Variants in PLIN1 observed in about 807,000 individuals in gnomAD.
PLIN1 encodes perilipin 1, also known as perilipin-1.
In PLIN1, 37 loss-of-function variants were observed where a neutral mutation model predicts 45.8. The ratio of observed to expected loss-of-function variants is 0.81; its 90% CI spans 0.62 to 1.06. PLIN1 has a LOEUF of 1.06. Ranked by LOEUF, PLIN1 falls within the 50% of genes least tolerant of loss-of-function variation. The probability of loss-of-function intolerance (pLI) is 0.00; values close to 1 mark genes in which losing one functional copy is unlikely to be tolerated. For synonymous variants in PLIN1, 340 were observed against 309.2 expected (o/e 1.10, Z -1.05); for missense variants, 776 against 716.5 (o/e 1.08, Z -0.95).
At chr15:89,666,118 C>A (rs997035548) in intron 8 of PLIN1, among the ~76,000 whole-genome samples, 176 bp from the exon 9 acceptor site, 1 of 152,186 alleles carries the variant, frequency 6.6e-6, no homozygotes. Context: ...GAGGTCCTGC[C>A]CACTCTGAGC....
rs374955417 is a variant in PLIN1, at chr15:89,673,267, C to T, written c.193G>A (p.Ala65Thr). 5.1e-6 allele frequency: 8 copies of T among 1,579,948 alleles called. No individual in the cohort carries two copies. Among genetic ancestry groups the T allele is most frequent in the African/African-American group, 4.0e-5 (3 of 74,102 alleles). The change falls in exon 3 of 9, where the codon GCC becomes ACC. Residue 65 changes from alanine to threonine, a missense_variant. Ala to Thr is a moderately conservative substitution (Grantham distance 58, BLOSUM62 0). Coordinates refer to ENST00000300055, the MANE Select transcript of PLIN1 (RefSeq NM_002666.5). ...CNAYEKGVQS[A>T]SSLAAWSMEP... is the part of the protein sequence containing the mutation. ...ATGCTCCAGGCAGCCAAGCTACTGG[C>T]GCTCTGCACGCCCTTCTCATAGGCA...
intron 7 of PLIN1, 121 bp downstream of exon 7, chr15:89,667,481 G>T: frequency 6.9e-7 from 1 of 1,454,934 alleles, no homozygotes; most frequent in Non-Finnish European, 9.6e-7. Flanking sequence ...GGGGTGAAGG[G>T]TGTTGCACGC....
At chr15:89,679,116 G>A (rs1180397221) in intron 1 of PLIN1, 135 bp downstream of exon 1, 1 of 152,114 alleles carries the variant, frequency 6.6e-6, no homozygotes, top group African/African-American at 2.4e-5. Flanking sequence ...CTGCAGTGCT[G>A]GGATTAAAGG....
chr15:89,678,131 G>A (rs1394321010), intron 1 of PLIN1, among the ~76,000 whole-genome samples: 1 of 151,800 alleles, frequency 6.6e-6, no homozygotes, highest in Non-Finnish European at 1.5e-5. Context: ...GGCCTCAAGT[G>A]ATCTGCCCAC....
Position 89,669,710 on chromosome 15 carries a change from T to A in PLIN1, c.599-38A>T, listed in dbSNP as rs369932160. 19 of 1,596,090 alleles carry A rather than the reference T, an allele frequency of 1.2e-5. No homozygotes were observed. In the African/African-American group the frequency reaches 2.2e-4, roughly 18 times the overall value. ...TTGGGGGGAAAGAAGAGAAAACAGGTCAGAGAGGGGCCGGAGAGATCTGGG... is the reference window on the plus strand; with the variant it reads ...TTGGGGGGAAAGAAGAGAAAACAGGACAGAGAGGGGCCGGAGAGATCTGGG... On this transcript the variant is annotated intron_variant, in intron 5 of 8. Transcript: ENST00000300055.
chr15:89,670,168 C>T lies in PLIN1; in HGVS notation c.410G>A (p.Ser137Asn). ...ARNSISVPIASTSDKVLGAAL... is the reference protein window; with the variant it reads ...ARNSISVPIANTSDKVLGAAL... ...GGCCCCCAGGACCTTGTCTGAAGTG[C>T]TCGCGATGGGAACGCTGATGCTGTT... The change falls in exon 5 of 9, where the codon AGC (serine) becomes AAC (asparagine). Residue 137 changes from serine (S) to asparagine (N), a missense_variant. By Grantham distance (46) the Ser-to-Asn change is conservative. Transcript: ENST00000300055. 1 of 1,614,106 alleles carries T rather than the reference C, an allele frequency of 6.2e-7. No individual in the cohort carries two copies.
chr15:89,669,858 A>G (rs776581954), intron 5 of PLIN1, 122 bp downstream of exon 5: 2 of 1,102,626 alleles, frequency 1.8e-6, no homozygotes, highest in Non-Finnish European at 2.6e-6. Flanking sequence ...TTATGAATCC[A>G]TCTGAAAATC....
At chr15:89,673,943 C>T (rs1964479374) in intron 2 of PLIN1, among the ~76,000 whole-genome samples, 1 of 152,216 alleles carries the variant, frequency 6.6e-6, no homozygotes, top group African/African-American at 2.4e-5. Context: ...AGCACTCCCC[C>T]TGTGAAGCTT....
chr15:89,673,485 T>C, intron 2 of PLIN1, 71 bp from the exon 3 acceptor site: 4 of 1,276,912 alleles, frequency 3.1e-6, no homozygotes, highest in Non-Finnish European at 2.2e-6. Context: ...GACCCCGGGG[T>C]CATGGGGACC....
intron 2 of PLIN1, among the ~76,000 whole-genome samples, chr15:89,675,949 G>A (rs959989665): frequency 6.6e-5 from 10 of 152,034 alleles, no homozygotes; most frequent in Admixed American, 2.6e-4. Context: ...GATTGGCCAC[G>A]AATTCATGGT....
In PLIN1 at chr15:89,665,561, G is replaced by A. The variant is rs1964319026; in HGVS notation, c.*22C>T. 6.6e-7 allele frequency: 1 copy of A among 1,523,916 alleles called. No individual in the cohort carries two copies. The highest frequency in any genetic ancestry group is 2.0e-5 in the Admixed American group (1 of 50,298). 94.4% of individuals were successfully genotyped at this position (1,523,916 alleles called of 1,614,324 possible). Reference sequence around the variant, plus strand: ...TGTTAGAGAAACCCGCCGGCCCGGGGCGCGGCGGCTGGTGCGGCGACTCAG... The same window carrying A: ...TGTTAGAGAAACCCGCCGGCCCGGGACGCGGCGGCTGGTGCGGCGACTCAG... On this transcript the variant is annotated 3_prime_UTR_variant, in exon 9 of 9. Transcript: ENST00000300055.
Position 89,670,166 on chromosome 15 carries a change from T to G in PLIN1, c.412A>C (p.Thr138Pro), listed in dbSNP as rs766208287. 9 of 1,614,094 alleles carry G rather than the reference T, an allele frequency of 5.6e-6. No individual in the cohort carries two copies. The Admixed American group carries it at 1.5e-4, about 27-fold the overall frequency. ...RNSISVPIAS[T>P]SDKVLGAALA... ...GCGGCCCCCAGGACCTTGTCTGAAG[T>G]GCTCGCGATGGGAACGCTGATGCTG... The change falls in exon 5 of 9, where the codon ACT (threonine) becomes CCT (proline). Residue 138 changes from threonine (T) to proline (P), a missense_variant. Thr to Pro is a conservative substitution (Grantham distance 38). Coordinates refer to ENST00000300055, the MANE Select transcript of PLIN1 (RefSeq NM_002666.5).
intron 2 of PLIN1, chr15:89,677,054 T>C (rs1964529991): frequency 3.5e-6 from 1 of 286,608 alleles, no homozygotes. Flanking sequence ...CAGGTGACAT[T>C]TGCCGTTATG....
rs766555591 is a variant in PLIN1, at chr15:89,677,503, G to A, written c.-14C>T. The A allele has an allele frequency of 6.2e-7, 1 of 1,613,768 alleles. No homozygotes were observed. Among genetic ancestry groups the A allele is most frequent in the Non-Finnish European group, 8.5e-7 (1 of 1,179,694 alleles). On this transcript the variant is annotated splice_region_variant and 5_prime_UTR_variant, in exon 2 of 9. Transcript: ENST00000300055. ...GTTGACTGCCATCCTCGCTCCTCAA[G>A]CTGCAAAACAGAGTCCCAGGTCCCA...
In PLIN1 at chr15:89,665,619, GC is replaced by G; in HGVS notation, c.1532del (p.Gly511AlafsTer30). The G allele has an allele frequency of 1.3e-6, 2 of 1,520,588 alleles. No homozygotes were observed. Among genetic ancestry groups the G allele is most frequent in the Admixed American group, 2.0e-5 (1 of 49,772 alleles). The allele number at this position is 1,520,588 out of a possible 1,614,324, so 94.2% of individuals were successfully genotyped here. A position where few individuals can be genotyped will look rare whatever the true frequency, so the allele number is the denominator to read the frequency against. ...FRPSVMEPIL[G>X]RTHYSQLRKK... ...TGCGCAGCTGGCTGTAATGCGTGCG[GC>G]CCAGGATGGGCTCCATGACGCTGGG... On this transcript the variant is annotated frameshift_variant, in exon 9 of 9. Transcript: ENST00000300055. LOFTEE classifies it high-confidence loss of function.
intron 7 of PLIN1, 64 bp downstream of exon 7, chr15:89,667,538 A>G (rs1161935147): frequency 1.9e-6 from 3 of 1,612,594 alleles, no homozygotes; most frequent in Non-Finnish European, 2.5e-6. Flanking sequence ...AGTTCACCCT[A>G]TGCCTCTGCT....
At chr15:89,675,044 AGTT>A (rs1378627340) in intron 2 of PLIN1, among the ~76,000 whole-genome samples, 2 of 152,128 alleles carry the variant, frequency 1.3e-5, no homozygotes, top group East Asian at 3.9e-4. Context: ...TGAGTCCGGG[AGTT>A]GGAGGCTGTA....
chr15:89,677,265 A>G lies in PLIN1; in HGVS notation c.45+180T>C, dbSNP rs185965791. 284 of 673,366 alleles carry G rather than the reference A, an allele frequency of 4.2e-4. 3 individuals are homozygous for G. In the East Asian group the frequency reaches 7.0e-3, roughly 17 times the overall value. 41.7% of individuals were successfully genotyped at this position (673,366 alleles called of 1,614,324 possible). On this transcript the variant is annotated intron_variant, in intron 2 of 8. Coordinates refer to ENST00000300055, the MANE Select transcript of PLIN1 (RefSeq NM_002666.5). ...TAGGCATCTTTTTTTCCCCTCCCAG[A>G]TCCTCCAACTGCCCCCTACAAAAGG... is the stretch of plus-strand genomic sequence containing the variant.
chr15:89,667,316 G>T (rs1192927761), intron 7 of PLIN1, 135 bp from the exon 8 acceptor site: 1 of 1,206,408 alleles, frequency 8.3e-7, no homozygotes, highest in Non-Finnish European at 1.2e-6. Context: ...GCCACTAGCA[G>T]TGTGGCCTTG....
Sources: allele counts gnomAD v4.1 joint callset (sites outside exome capture counted in the v4.1 genomes callset), GRCh38; gene constraint gnomAD v4.1.1; transcripts MANE v1.5; gene names NCBI Gene and HGNC (gene_info 2026-07-23, HGNC 2026-07-21).